Variants in POLD3 observed in about 807,000 individuals in gnomAD.
POLD3 encodes the protein DNA polymerase delta 3, accessory subunit, also known as DNA polymerase delta subunit 3.
A neutral mutation model predicts 58.2 loss-of-function variants in POLD3; 19 were observed. The ratio of observed to expected loss-of-function variants is 0.33; its 90% CI spans 0.23 to 0.48. The LOEUF is 0.48. Among genes scored for constraint, POLD3 ranks in the 20% least tolerant of loss-of-function variants. The pLI is 0.99. For missense variants in POLD3, 504 were observed against 545.5 expected, an observed-to-expected ratio of 0.92 and a Z score of 0.76; for synonymous variants, 172 against 193.5, an observed-to-expected ratio of 0.89 and a Z score of 0.92.
At position 74,640,990 on chromosome 11, in the gene POLD3, C is replaced by T. The variant is rs770352255; in HGVS notation, c.*224C>T. ...TTACCTTCTAATGACATTTAAAAAG[C>T]ACAGTCTTTGACCTGTCCAGGAGAA... On this transcript the variant is annotated 3_prime_UTR_variant, in exon 12 of 12. Coordinates refer to ENST00000263681, the MANE Select transcript of POLD3 (RefSeq NM_006591.3). The T allele has an allele frequency of 2.8e-5, 35 of 1,230,714 alleles. No individual in the cohort carries two copies. The highest frequency in any genetic ancestry group is 3.2e-5 in the Non-Finnish European group (32 of 986,118). 76.2% of individuals were successfully genotyped at this position (1,230,714 alleles called of 1,614,324 possible). A position where few individuals can be genotyped will look rare whatever the true frequency, so the allele number is the denominator to read the frequency against.
At chr11:74,600,139 G>C (rs2031437114) in intron 2 of POLD3, among the ~76,000 whole-genome samples, 1 of 151,390 alleles carries the variant, frequency 6.6e-6, no homozygotes, top group Admixed American at 6.6e-5. Flanking sequence ...TAGAGATGGG[G>C]TTTCACCATG....
At chr11:74,620,123 A>C (rs780321898) in intron 7 of POLD3, 34 bp downstream of exon 7, 5 of 1,430,868 alleles carry the variant, frequency 3.5e-6, no homozygotes, top group Non-Finnish European at 4.9e-6. Flanking sequence ...TGACTAACGA[A>C]TGAATGTTAA....
intron 5 of POLD3, among the ~76,000 whole-genome samples, chr11:74,616,021 T>C (rs1171939519): frequency 3.3e-5 from 5 of 152,212 alleles, no homozygotes; most frequent in Admixed American, 2.0e-4. Flanking sequence ...ATTAACACCC[T>C]GATAAGTTTA....
At chr11:74,666,083 C>A (rs920446109) in intron 4 of POLD3, among the ~76,000 whole-genome samples, 2 of 152,198 alleles carry the variant, frequency 1.3e-5, no homozygotes. Flanking sequence ...AATGTACAAA[C>A]ATCAATTATA....
chr11:74,593,106 T>C (rs2031095412), intron 1 of POLD3: 1 of 877,324 alleles, frequency 1.1e-6, no homozygotes, highest in Admixed American at 5.1e-5. Context: ...AAGTTACAAG[T>C]TGCGTAACCT....
intron 1 of POLD3, among the ~76,000 whole-genome samples, chr11:74,593,459 G>A (rs966053641): frequency 9.8e-5 from 15 of 152,332 alleles, no homozygotes; most frequent in Admixed American, 9.8e-4. Flanking sequence ...ACCTGTGCAA[G>A]TCTTCTAACT....
chr11:74,614,907 A>C (rs1371953637), intron 5 of POLD3, among the ~76,000 whole-genome samples: 1 of 152,080 alleles, frequency 6.6e-6, no homozygotes, highest in Non-Finnish European at 1.5e-5. Flanking sequence ...TGGGTTTTAG[A>C]GATGTTGAGT....
chr11:74,647,098 A>G (rs2033008526), downstream of POLD3, among the ~76,000 whole-genome samples: 1 of 152,194 alleles, frequency 6.6e-6, no homozygotes, highest in Admixed American at 6.6e-5. Context: ...GTGAGCATCT[A>G]ATGCTGCAGT....
Position 74,629,003 on chromosome 11 carries a change from T to C in POLD3, c.900-214T>C, listed in dbSNP as rs1337893102. Reference sequence around the variant, plus strand: ...GCTTCCAGCAGTCTCTAGAGAACTCTAGAACTTTTTTATTCAAGTCACCTC... The same window carrying C: ...GCTTCCAGCAGTCTCTAGAGAACTCCAGAACTTTTTTATTCAAGTCACCTC... On this transcript the variant is annotated intron_variant, in intron 8 of 11. Coordinates refer to ENST00000263681, the MANE Select transcript of POLD3 (RefSeq NM_006591.3). 7.9e-6 allele frequency: 3 copies of C among 380,408 alleles called. No individual in the cohort carries two copies. The Admixed American group carries it at 1.3e-4, about 17-fold the overall frequency. 23.6% of individuals were successfully genotyped at this position (380,408 alleles called of 1,614,324 possible). A position where few individuals can be genotyped will look rare whatever the true frequency, so the allele number is the denominator to read the frequency against.
At chr11:74,625,871 T>TTTTG (rs142784051) in intron 8 of POLD3, among the ~76,000 whole-genome samples, 9 of 143,678 alleles carry the variant, frequency 6.3e-5, no homozygotes, top group African/African-American at 2.3e-4. Context: ...GTGTGCCTAG[T>TTTTG]TGTGTGTGTG....
At chr11:74,617,430 A>G (rs1200138536) in intron 5 of POLD3, among the ~76,000 whole-genome samples, 2 of 152,040 alleles carry the variant, frequency 1.3e-5, no homozygotes, top group Admixed American at 1.3e-4. Context: ...GAGACAGAGT[A>G]TTGCTGTGTC....
At chr11:74,618,925 C>G in intron 6 of POLD3, 121 bp downstream of exon 6, 1 of 871,680 alleles carries the variant, frequency 1.1e-6, no homozygotes. Context: ...TCTGATTTTT[C>G]TACTTTAGTT....
chr11:74,655,917 A>G (rs1344654414), intron 4 of POLD3, among the ~76,000 whole-genome samples: 1 of 152,186 alleles, frequency 6.6e-6, no homozygotes, highest in Non-Finnish European at 1.5e-5. Context: ...ATAAAACTGT[A>G]TTTTCAAAGA....
intron 3 of POLD3, among the ~76,000 whole-genome samples, chr11:74,609,980 T>C (rs1269719741): frequency 6.6e-6 from 1 of 152,184 alleles, no homozygotes; most frequent in African/African-American, 2.4e-5. Context: ...CTGTGTGTTT[T>C]GTATATTTTT....
chr11:74,661,489 ACT>A (rs2033206502), intron 4 of POLD3, among the ~76,000 whole-genome samples: 1 of 151,818 alleles, frequency 6.6e-6, no homozygotes, highest in East Asian at 1.9e-4. Flanking sequence ...ACCTGGAAGA[ACT>A]CTCTGGATTA....
intron 5 of POLD3, among the ~76,000 whole-genome samples, chr11:74,616,934 C>G (rs940156399): frequency 2.0e-5 from 3 of 152,162 alleles, no homozygotes; most frequent in African/African-American, 7.2e-5. Context: ...AGCCAGAAGC[C>G]TCACTTTCAT....
chr11:74,643,537 G>T (rs1173137387), downstream of POLD3, among the ~76,000 whole-genome samples: 1 of 152,166 alleles, frequency 6.6e-6, no homozygotes, highest in Non-Finnish European at 1.5e-5. Context: ...GGGTATCAAG[G>T]CAGTCTTCCT....
At position 74,657,616 on chromosome 11, in the gene POLD3, A is replaced by G. The variant is rs999181227; in HGVS notation, c.370-11161A>G. On this transcript the variant is annotated intron_variant, in intron 4 of 4. Transcript: ENST00000524752. Reference sequence around the variant, plus strand: ...TACCTTATTGTACTGTATGTCTTGAAAAGTTGTTGTAGTTATTATTTTTGA... The same window carrying G: ...TACCTTATTGTACTGTATGTCTTGAGAAGTTGTTGTAGTTATTATTTTTGA... 3.3e-5 allele frequency among the ~76,000 whole-genome samples: 5 copies of G among 152,174 alleles called. No homozygotes were observed. The East Asian group carries it at 9.6e-4, about 29-fold the overall frequency.
intron 4 of POLD3, among the ~76,000 whole-genome samples, chr11:74,663,971 G>A (rs1455279291): frequency 6.6e-6 from 1 of 151,822 alleles, no homozygotes; most frequent in African/African-American, 2.4e-5. Flanking sequence ...TTAAAAAATG[G>A]GCAAAAAATA....
Sources: allele counts gnomAD v4.1 joint callset (sites outside exome capture counted in the v4.1 genomes callset), GRCh38; gene constraint gnomAD v4.1.1; transcripts MANE v1.5; gene names NCBI Gene and HGNC (gene_info 2026-07-23, HGNC 2026-07-21).